Variants in CRACD observed in about 807,000 individuals in gnomAD.
CRACD encodes capping protein-inhibiting regulator of actin dynamics.
A neutral mutation model predicts 106.8 loss-of-function variants in CRACD; 56 were observed. The observed-to-expected ratio is 0.52, with a 90% CI of 0.42 to 0.66. The LOEUF (loss-of-function observed/expected upper bound fraction) is 0.66. CRACD is among the 30% of genes least tolerant of loss of function. CRACD has a pLI of 0.00. For synonymous variants in CRACD, 754 were observed against 670.8 expected, an observed-to-expected ratio of 1.12 and a Z score of -1.92; for missense variants, 1,730 against 1,623.2, an observed-to-expected ratio of 1.07 and a Z score of -1.13.
chr4:56,143,440 T>C (rs1250773329), intron 1 of CRACD, among the ~76,000 whole-genome samples: 1 of 152,152 alleles, frequency 6.6e-6, no homozygotes, highest in Admixed American at 6.5e-5. Context: ...TTCTGTCTTA[T>C]TCCTTGTTTT....
intron 1 of CRACD, among the ~76,000 whole-genome samples, chr4:56,165,677 A>G (rs1736115082): frequency 6.6e-6 from 1 of 152,258 alleles, no homozygotes; most frequent in Non-Finnish European, 1.5e-5. Flanking sequence ...TTATGTAGAA[A>G]GAGTTACCTC....
intron 1 of CRACD, among the ~76,000 whole-genome samples, chr4:56,160,718 C>T (rs990064953): frequency 6.6e-6 from 1 of 152,204 alleles, no homozygotes; most frequent in African/African-American, 2.4e-5. Flanking sequence ...GACAGTCATG[C>T]CTACCTTTCC....
intron 2 of CRACD, among the ~76,000 whole-genome samples, chr4:56,196,960 C>T (rs1190615863): frequency 6.6e-6 from 1 of 152,030 alleles, no homozygotes; most frequent in African/African-American, 2.4e-5. Context: ...CCTGAAACGT[C>T]CAGTATTCCA....
chr4:56,316,341 G>A lies in CRACD; in HGVS notation c.2839G>A (p.Glu947Lys). The A allele has an allele frequency of 6.2e-7, 1 of 1,614,044 alleles. No individual in the cohort carries two copies. Among genetic ancestry groups the A allele is most frequent in the South Asian group, 1.1e-5 (1 of 91,084 alleles). The part of the protein sequence containing the change: ...PPASSQTPAP[E>K]HDKAANKMPL... ...GGCCAGCAGCCAGACCCCGGCTCCG[G>A]AGCACGACAAGGCAGCAAACAAAAT... is the stretch of plus-strand genomic sequence containing the variant. Residue 947 changes from glutamate to lysine, a missense_variant, in exon 8 of 11, where the codon GAG becomes AAG. Coordinates refer to ENST00000682029, the MANE Select transcript of CRACD (RefSeq NM_001393381.1).
In CRACD at chr4:56,330,197, T is replaced by C. The variant is rs902695722; in HGVS notation, c.*2393T>C. Among the ~76,000 whole-genome samples, 1 of 152,094 alleles carries C rather than the reference T, an allele frequency of 6.6e-6. No homozygotes were observed. The highest frequency in any genetic ancestry group is 2.4e-5 in the African/African-American group (1 of 41,444). On this transcript the variant is annotated 3_prime_UTR_variant, in exon 11 of 11. Transcript: ENST00000682029. ...CACTATGTTAAATGCAAACTTTTTT[T>C]TTTTTTTATTTAAACAAACATACAC...
intron 1 of CRACD, among the ~76,000 whole-genome samples, chr4:56,106,497 G>A (rs1183159225): frequency 6.6e-6 from 1 of 152,210 alleles, no homozygotes; most frequent in African/African-American, 2.4e-5. Flanking sequence ...AATAGTATAT[G>A]TGGAAAGTTC....
intron 2 of CRACD, among the ~76,000 whole-genome samples, chr4:56,184,242 T>G (rs1577720216): frequency 6.6e-6 from 1 of 152,322 alleles, no homozygotes. Context: ...AGTTAATTTT[T>G]GTACTTTTAG....
At chr4:56,327,447 G>A (rs1442705812) in intron 10 of CRACD, among the ~76,000 whole-genome samples, 197 bp from the exon 11 acceptor site, 1 of 152,160 alleles carries the variant, frequency 6.6e-6, no homozygotes. Context: ...CCATAAAAAT[G>A]ATAACTGTGA....
chr4:56,172,978 A>G (rs926821361), intron 1 of CRACD, among the ~76,000 whole-genome samples: 1 of 151,902 alleles, frequency 6.6e-6, no homozygotes, highest in Admixed American at 6.6e-5. Flanking sequence ...CTGGTCTCGA[A>G]CTCTCAACCT....
Position 56,267,405 on chromosome 4 carries a change from A to G in CRACD, c.-188-4916A>G, listed in dbSNP as rs186310443. ...GCAAAGTGCCGGGATTACAGGCGTGAGCCACCACGCCTGGCCAATTTATTT... is the reference window on the plus strand; with the variant it reads ...GCAAAGTGCCGGGATTACAGGCGTGGGCCACCACGCCTGGCCAATTTATTT... On this transcript the variant is annotated intron_variant, in intron 2 of 10. Coordinates refer to ENST00000682029, the MANE Select transcript of CRACD (RefSeq NM_001393381.1). 3.8e-3 allele frequency among the ~76,000 whole-genome samples: 576 copies of G among 152,296 alleles called. 9 individuals carry two copies. The East Asian group carries it at 0.041, about 11-fold the overall frequency.
chr4:56,329,267 G>A lies in CRACD; in HGVS notation c.*1463G>A, dbSNP rs556418710. On this transcript the variant is annotated 3_prime_UTR_variant, in exon 11 of 11. Coordinates refer to ENST00000682029, the MANE Select transcript of CRACD (RefSeq NM_001393381.1). ...TCCCCTTTTCTTAGATTCTTACTCC[G>A]AAATATAGGTACACATCCTTTGCTC... is the stretch of plus-strand genomic sequence containing the variant. 3.3e-5 allele frequency among the ~76,000 whole-genome samples: 5 copies of A among 152,146 alleles called. No homozygotes were observed. Among genetic ancestry groups the A allele is most frequent in the South Asian group, 4.1e-4 (2 of 4,822 alleles).
chr4:56,322,855 C>A (rs892076597), intron 8 of CRACD, among the ~76,000 whole-genome samples: 1 of 152,074 alleles, frequency 6.6e-6, no homozygotes, highest in Non-Finnish European at 1.5e-5. Context: ...ATGGTAAAAA[C>A]CCATCTCTAC....
At chr4:56,298,059 G>A in intron 3 of CRACD, 155 bp from the exon 4 acceptor site, 1 of 744,886 alleles carries the variant, frequency 1.3e-6, no homozygotes, top group Non-Finnish European at 2.1e-6. Context: ...CCAGCTCCTT[G>A]GCTGACCCCC....
intron 3 of CRACD, among the ~76,000 whole-genome samples, chr4:56,280,454 C>T (rs1742972011): frequency 6.6e-6 from 1 of 152,108 alleles, no homozygotes; most frequent in South Asian, 2.1e-4. Flanking sequence ...ATGTGCCTTC[C>T]TTAGGAGAGC....
intron 1 of CRACD, among the ~76,000 whole-genome samples, chr4:56,141,324 C>T (rs369782159): frequency 3.9e-5 from 6 of 152,138 alleles, no homozygotes; most frequent in African/African-American, 1.4e-4. Flanking sequence ...ACTGACTGAT[C>T]GTGAAACCCC....
chr4:56,248,290 T>C (rs1740816297), intron 2 of CRACD, among the ~76,000 whole-genome samples: 1 of 152,140 alleles, frequency 6.6e-6, no homozygotes, highest in Non-Finnish European at 1.5e-5. Context: ...TATGGAAAAA[T>C]GCGCATTTGA....
intron 2 of CRACD, among the ~76,000 whole-genome samples, chr4:56,191,716 G>A (rs1289012894): frequency 6.6e-6 from 1 of 152,222 alleles, no homozygotes; most frequent in Non-Finnish European, 1.5e-5. Flanking sequence ...TCTGAGACCT[G>A]TGTGGAACGC....
At chr4:56,186,906 T>G (rs1737115994) in intron 2 of CRACD, among the ~76,000 whole-genome samples, 2 of 152,056 alleles carry the variant, frequency 1.3e-5, no homozygotes, top group Non-Finnish European at 2.9e-5. Context: ...TAACCACAAA[T>G]TTTTAGAAAA....
intron 1 of CRACD, among the ~76,000 whole-genome samples, chr4:56,073,467 C>G (rs1732732866): frequency 6.6e-6 from 1 of 152,156 alleles, no homozygotes. Context: ...TGGTTAATAG[C>G]TATTTTCTAA....
Sources: allele counts gnomAD v4.1 joint callset (sites outside exome capture counted in the v4.1 genomes callset), GRCh38; gene constraint gnomAD v4.1.1; transcripts MANE v1.5; gene names NCBI Gene and HGNC (gene_info 2026-07-23, HGNC 2026-07-21).